Variants in MED23 observed in about 807,000 individuals in gnomAD.
MED23 encodes mediator of RNA polymerase II transcription subunit 23.
MED23 carries 105 observed loss-of-function variants against 163.9 expected under a neutral mutation model. The ratio of observed to expected loss-of-function variants is 0.64; its 90% CI spans 0.55 to 0.75. The LOEUF (loss-of-function observed/expected upper bound fraction) is 0.75. Among genes scored for constraint, MED23 ranks in the 30% least tolerant of loss-of-function variants. The pLI, the probability that MED23 is intolerant of heterozygous loss-of-function variation, is 0.00. For missense variants in MED23, 1,054 were observed against 1,649.0 expected, an observed-to-expected ratio of 0.64 and a Z score of 6.25; for synonymous variants, 561 against 565.6, an observed-to-expected ratio of 0.99 and a Z score of 0.12.
chr6:131,583,691 T>C (rs1774056378), downstream of MED23: 1 of 1,590,322 alleles, frequency 6.3e-7, no homozygotes, highest in Non-Finnish European at 8.6e-7. Flanking sequence ...TGTACTACTT[T>C]CAAAATGTCA....
At chr6:131,576,447 T>C (rs975648163) in intron 30 of MED23, among the ~76,000 whole-genome samples, 3 of 152,202 alleles carry the variant, frequency 2.0e-5, no homozygotes, top group African/African-American at 7.2e-5. Flanking sequence ...CTGAAAACCA[T>C]ATAACCTTTG....
intron 10 of MED23, among the ~76,000 whole-genome samples, chr6:131,612,794 G>A (rs748374642): frequency 2.6e-5 from 4 of 151,856 alleles, no homozygotes; most frequent in Non-Finnish European, 4.4e-5. Flanking sequence ...ATTAACCCTC[G>A]ACCTATGCCC....
At chr6:131,601,338 G>A (rs775007404) in intron 17 of MED23, among the ~76,000 whole-genome samples, 2 of 152,114 alleles carry the variant, frequency 1.3e-5, no homozygotes, top group African/African-American at 4.8e-5. Context: ...TAAACAAAAT[G>A]TCAACGTTTG....
chr6:131,594,045 A>G, intron 23 of MED23, 54 bp downstream of exon 23: 1 of 1,423,718 alleles, frequency 7.0e-7, no homozygotes, highest in Non-Finnish European at 9.8e-7. Flanking sequence ...ATATATTCTC[A>G]TAAATCAAAA....
At chr6:131,621,586 G>T (rs556395597) in intron 6 of MED23, among the ~76,000 whole-genome samples, 1 of 152,102 alleles carries the variant, frequency 6.6e-6, no homozygotes, top group Admixed American at 6.5e-5. Flanking sequence ...CAATTCTTGC[G>T]ATACTAGTTA....
chr6:131,622,038 A>G, intron 5 of MED23, 59 bp from the exon 6 acceptor site: 1 of 1,275,776 alleles, frequency 7.8e-7, no homozygotes, highest in Non-Finnish European at 1.1e-6. Flanking sequence ...GTTAGCTAAA[A>G]CGTCCGAAGG....
intron 10 of MED23, among the ~76,000 whole-genome samples, chr6:131,613,052 C>T (rs1385723046): frequency 2.0e-5 from 3 of 151,476 alleles, no homozygotes; most frequent in Admixed American, 1.3e-4. Context: ...GTCATTTTCT[C>T]TTTCAAAATC....
Position 131,624,821 on chromosome 6 carries a change from T to C in MED23, c.284+44A>G, listed in dbSNP as rs80136340. 6,302 of 1,610,030 alleles carry C rather than the reference T, an allele frequency of 3.9e-3. 183 individuals are homozygous for C. In the African/African-American group the frequency reaches 0.067, roughly 17 times the overall value. ...ACCTCAACCAATTTCCAATCACATA[T>C]AGAAAAGAAAATTCTTCAGATTGCT... On this transcript the variant is annotated intron_variant, in intron 4 of 28. Transcript: ENST00000368068.
Position 131,620,676 on chromosome 6 carries a change from T to C in MED23, c.549A>G (p.Ala183=). ...RNACLLPAYF[A]VTEIRKLYPE... is the part of the protein sequence containing the mutation. The stretch of plus-strand genomic sequence containing the variant: ...GATACAGTTTCCTGATCTCAGTGAC[T>C]GCAAAATAGGCTGGTAATAAGCAGG... Residue 183 remains alanine (A), a synonymous_variant, in exon 7 of 29, where the codon GCA becomes GCG. Transcript: ENST00000368068. 6.2e-7 allele frequency: 1 copy of C among 1,613,694 alleles called. No homozygotes were observed. The highest frequency in any genetic ancestry group is 1.3e-5 in the African/African-American group (1 of 75,006).
In MED23 at chr6:131,624,886, T is replaced by A. The variant is rs1322586594; in HGVS notation, c.263A>T (p.Glu88Val). Residue 88 changes from glutamate (E) to valine (V), a missense_variant, in exon 4 of 29, where the codon GAG becomes GTG. Around this residue, in one of 11 missense-constraint regions of MED23, gnomAD observed 227 missense variants for 235.5 expected, o/e 0.96. Transcript: ENST00000368068. ...GTACCTGGGTGGAAGGAGACCAGTCTCAACTGCCATTGCTAAGCAGTCATA... is the reference window on the plus strand; with the variant it reads ...GTACCTGGGTGGAAGGAGACCAGTCACAACTGCCATTGCTAAGCAGTCATA... The part of the protein sequence containing the change: ...FLYDCLAMAV[E>V]TGLLPPRLVC... 5 of 1,613,836 alleles carry A rather than the reference T, an allele frequency of 3.1e-6. 1 individual carries two copies. Among genetic ancestry groups the A allele is most frequent in the Middle Eastern group, 1.6e-4 (1 of 6,084 alleles).
intron 9 of MED23, among the ~76,000 whole-genome samples, chr6:131,616,377 G>A (rs749642283): frequency 1.3e-5 from 2 of 152,100 alleles, no homozygotes; most frequent in Admixed American, 6.5e-5. Flanking sequence ...TATAGATTTT[G>A]TCCTAGGTGC....
At chr6:131,575,463 A>G (rs958415877) in intron 30 of MED23, among the ~76,000 whole-genome samples, 2 of 152,158 alleles carry the variant, frequency 1.3e-5, no homozygotes, top group Non-Finnish European at 2.9e-5. Context: ...TCAAGCAAAA[A>G]GGGAGTAAAG....
At chr6:131,623,560 C>A (rs1425433995) in intron 4 of MED23, 98 bp from the exon 5 acceptor site, 1 of 925,334 alleles carries the variant, frequency 1.1e-6, no homozygotes, top group Admixed American at 1.7e-5. Context: ...ACACAAATCT[C>A]ATCTTGAATT....
chr6:131,598,495 T>C lies in MED23; in HGVS notation c.2427-28A>G. 1 of 1,613,780 alleles carries C rather than the reference T, an allele frequency of 6.2e-7. No individual in the cohort carries two copies. Among genetic ancestry groups the C allele is most frequent in the Non-Finnish European group, 8.5e-7 (1 of 1,179,830 alleles). On this transcript the variant is annotated intron_variant, in intron 19 of 28. Transcript: ENST00000368068. This position sits in a 1 kb window ranked among gnomAD's most constrained non-coding sequence, Gnocchi z 4.7. Reference sequence around the variant, plus strand: ...GGAAGGCAGAGAGTAAAACATAAACTCCATTGTTGTATGGATACAACAATT... The same window carrying C: ...GGAAGGCAGAGAGTAAAACATAAACCCCATTGTTGTATGGATACAACAATT...
intron 23 of MED23, 140 bp from the exon 24 acceptor site, chr6:131,593,311 A>G (rs1232955004): frequency 6.9e-6 from 7 of 1,016,466 alleles, no homozygotes; most frequent in Non-Finnish European, 1.0e-5. Context: ...TGAGTTTGAC[A>G]TGATTGAAAT....
chr6:131,624,369 T>A (rs564617962), intron 4 of MED23, among the ~76,000 whole-genome samples: 2 of 152,308 alleles, frequency 1.3e-5, no homozygotes, highest in South Asian at 4.1e-4. Flanking sequence ...GGTGAGGGCC[T>A]GCGGAGGTTC....
intron 10 of MED23, among the ~76,000 whole-genome samples, chr6:131,610,482 T>C (rs777547332): frequency 5.3e-5 from 8 of 152,198 alleles, no homozygotes; most frequent in Non-Finnish European, 1.0e-4. Flanking sequence ...CCATTAACTT[T>C]TGACTTCCAC....
intron 10 of MED23, among the ~76,000 whole-genome samples, chr6:131,611,647 T>C (rs1776282486): frequency 6.6e-6 from 1 of 152,078 alleles, no homozygotes; most frequent in Non-Finnish European, 1.5e-5. Flanking sequence ...CTAAGAAATG[T>C]GTCAGACAAC....
chr6:131,595,829 A>T, intron 22 of MED23, 118 bp downstream of exon 22: 1 of 766,988 alleles, frequency 1.3e-6, no homozygotes, highest in South Asian at 1.5e-5. Context: ...TCCTCAAAAC[A>T]CTTCATTTTT....
Sources: allele counts gnomAD v4.1 joint callset (sites outside exome capture counted in the v4.1 genomes callset), GRCh38; gene constraint gnomAD v4.1.1; regional missense constraint gnomAD v4.1.1; non-coding constraint Gnocchi (gnomAD v3.1); transcripts MANE v1.5; gene names NCBI Gene and HGNC (gene_info 2026-07-23, HGNC 2026-07-21).